DPY30: variants seen among roughly 807,000 people sequenced by gnomAD.
DPY30 encodes protein dpy-30 homolog.
In DPY30, 6 loss-of-function variants were observed where a neutral mutation model predicts 16.2. That is an observed-to-expected ratio of 0.37 (90% confidence interval 0.20 to 0.73). The LOEUF is 0.73. DPY30 is among the 30% of genes least tolerant of loss of function. DPY30 has a pLI of 0.51. For missense variants in DPY30, 73 were observed against 113.1 expected, an observed-to-expected ratio of 0.65 and a Z score of 1.61; for synonymous variants, 39 against 38.8, an observed-to-expected ratio of 1.00 and a Z score of -0.02.
At chr2:32,027,670 C>T (rs1419384332) in intron 4 of DPY30, among the ~76,000 whole-genome samples, 1 of 146,610 alleles carries the variant, frequency 6.8e-6, no homozygotes, top group Non-Finnish European at 1.5e-5. Context: ...GCTCTGTTGC[C>T]CAGGCTGGAG....
chr2:32,033,324 T>A (rs956570896), intron 3 of DPY30, among the ~76,000 whole-genome samples: 6 of 149,126 alleles, frequency 4.0e-5, no homozygotes, highest in East Asian at 2.0e-4. Flanking sequence ...AGAAAAAAAA[T>A]TTTAACTTGT....
intron 5 of DPY30, among the ~76,000 whole-genome samples, chr2:32,016,636 C>CT (rs896791701): frequency 3.3e-5 from 5 of 150,990 alleles, no homozygotes; most frequent in Admixed American, 6.6e-5. Context: ...ACTCTCCTCC[C>CT]TTTTTTTTTC....
downstream of DPY30, among the ~76,000 whole-genome samples, chr2:32,020,522 A>C (rs193131671): frequency 6.6e-6 from 1 of 152,060 alleles, no homozygotes; most frequent in East Asian, 1.9e-4. Context: ...TAAATAAATA[A>C]AGTATTAAAA....
chr2:32,016,394 A>T (rs780251914), intron 5 of DPY30, among the ~76,000 whole-genome samples: 3 of 152,108 alleles, frequency 2.0e-5, no homozygotes, highest in Non-Finnish European at 4.4e-5. Context: ...TTCCAGTTTG[A>T]TGATATGTCA....
intron 3 of DPY30, among the ~76,000 whole-genome samples, chr2:32,033,111 G>A (rs532287360): frequency 6.6e-6 from 1 of 150,974 alleles, no homozygotes. Flanking sequence ...AGGAGTTCCA[G>A]ACCAGCCTGC....
At chr2:32,035,385 C>T (rs1215669042) in intron 3 of DPY30, among the ~76,000 whole-genome samples, 1 of 151,488 alleles carries the variant, frequency 6.6e-6, no homozygotes, top group Non-Finnish European at 1.5e-5. Flanking sequence ...GGGTGGATCA[C>T]GAGGTCAGGA....
intron 3 of DPY30, among the ~76,000 whole-genome samples, chr2:32,036,080 G>T (rs1441495704): frequency 1.3e-5 from 2 of 151,216 alleles, no homozygotes; most frequent in Admixed American, 6.6e-5. Flanking sequence ...GGCCTCCCAG[G>T]CTCAAGCAAT....
chr2:32,029,564 T>C (rs367692219), intron 4 of DPY30, 30 bp downstream of exon 4: 66 of 1,606,050 alleles, frequency 4.1e-5, no homozygotes, highest in Non-Finnish European at 5.2e-5. Context: ...CTTTCTTTAC[T>C]AACTCCATTT....
At chr2:32,036,595 C>T (rs1398834934) in intron 3 of DPY30, among the ~76,000 whole-genome samples, 4 of 150,868 alleles carry the variant, frequency 2.7e-5, no homozygotes, top group East Asian at 2.0e-4. Flanking sequence ...GGCATGAACC[C>T]GGAAGGCGGA....
chr2:32,019,913 AACATAT>A (rs1035281762), downstream of DPY30, among the ~76,000 whole-genome samples: 4 of 147,988 alleles, frequency 2.7e-5, no homozygotes, highest in Admixed American at 1.4e-4. Flanking sequence ...TATAAACATA[AACATAT>A]ACATATATTT....
intron 5 of DPY30, among the ~76,000 whole-genome samples, chr2:32,015,710 C>T (rs996984060): frequency 6.6e-5 from 10 of 151,940 alleles, no homozygotes; most frequent in Non-Finnish European, 1.3e-4. Context: ...CATAGTAGCA[C>T]GCCCCTGTAG....
chr2:32,038,409 A>AGGGGGGG (rs70964748), intron 3 of DPY30, among the ~76,000 whole-genome samples: 3 of 34,324 alleles, frequency 8.7e-5, no homozygotes, highest in South Asian at 1.5e-3. Flanking sequence ...CCTTATTTTG[A>AGGGGGGG]GGGGGGGGGG....
chr2:32,023,230 T>C (rs1675223459), downstream of DPY30, among the ~76,000 whole-genome samples: 1 of 152,210 alleles, frequency 6.6e-6, no homozygotes, highest in African/African-American at 2.4e-5. Flanking sequence ...ACCACTGCTC[T>C]AGTGAATGTT....
chr2:32,014,776 C>G (rs1675032055), intron 5 of DPY30, among the ~76,000 whole-genome samples: 1 of 151,644 alleles, frequency 6.6e-6, no homozygotes, highest in East Asian at 1.9e-4. Context: ...AGCCACCACG[C>G]CTGGCCGAGA....
chr2:32,020,571 A>G (rs1401345768), downstream of DPY30, among the ~76,000 whole-genome samples: 1 of 152,100 alleles, frequency 6.6e-6, no homozygotes, highest in Non-Finnish European at 1.5e-5. Context: ...GGGGTGAGGA[A>G]TATGTTTATG....
chr2:32,035,087 G>C (rs1009914678), intron 3 of DPY30, among the ~76,000 whole-genome samples: 7 of 150,878 alleles, frequency 4.6e-5, no homozygotes, highest in African/African-American at 1.5e-4. Flanking sequence ...CCAGCCTGGG[G>C]GACAGAGCGA....
chr2:32,024,323 T>G (rs988507980), intron 4 of DPY30, 67 bp from the exon 5 acceptor site: 16 of 1,155,182 alleles, frequency 1.4e-5, no homozygotes, highest in Non-Finnish European at 2.0e-5. Flanking sequence ...AAACATATTG[T>G]TCCATAATGA....
chr2:32,031,832 G>T (rs908363836), intron 3 of DPY30, among the ~76,000 whole-genome samples: 18 of 151,942 alleles, frequency 1.2e-4, no homozygotes, highest in African/African-American at 4.1e-4. Flanking sequence ...GGCAGAGGTT[G>T]CAGTGAGCCA....
intron 4 of DPY30, 65 bp downstream of exon 4, chr2:32,029,529 A>G: frequency 6.3e-7 from 1 of 1,582,464 alleles, no homozygotes. Context: ...TAACTATGAT[A>G]TTTCAGATAG....
Sources: allele counts gnomAD v4.1 joint callset (sites outside exome capture counted in the v4.1 genomes callset), GRCh38; gene constraint gnomAD v4.1.1; transcripts MANE v1.5; gene names NCBI Gene and HGNC (gene_info 2026-07-23, HGNC 2026-07-21).